NEGR1: variants seen among roughly 807,000 people sequenced by gnomAD.
The protein encoded by NEGR1 is neuronal growth regulator 1.
NEGR1 carries 10 observed loss-of-function variants against 40.9 expected under a neutral mutation model. The observed-to-expected ratio is 0.24, with a 90% CI of 0.15 to 0.42. The LOEUF (loss-of-function observed/expected upper bound fraction) is 0.42. Ranked by LOEUF, NEGR1 falls within the 10% of genes least tolerant of loss-of-function variation. The pLI, the probability that NEGR1 is intolerant of heterozygous loss-of-function variation, is 1.00. For missense variants in NEGR1, 352 were observed against 438.9 expected (o/e 0.80, Z 1.77); for synonymous variants, 185 against 166.8 (o/e 1.11, Z -0.84).
At chr1:71,512,984 C>T (rs959608810) in intron 6 of NEGR1, among the ~76,000 whole-genome samples, 14 of 152,100 alleles carry the variant, frequency 9.2e-5, no homozygotes, top group Admixed American at 9.2e-4. Flanking sequence ...AACAGTTTTA[C>T]TATACATATA....
rs140922653 is a variant in NEGR1 at position 71,968,517 on chromosome 1, T to A, written c.177-33206A>T. Among the ~76,000 whole-genome samples, 679 of 152,284 alleles carry A rather than the reference T, an allele frequency of 4.5e-3. 14 individuals carry two copies. The highest frequency in any genetic ancestry group is 0.036 in the Admixed American group (543 of 15,288). Reference sequence around the variant, plus strand: ...ACATAAAAATCCTGTGAAGCTAACATTCAATTCACAAAATCCTAGTTTACT... The same window carrying A: ...ACATAAAAATCCTGTGAAGCTAACAATCAATTCACAAAATCCTAGTTTACT... On this transcript the variant is annotated intron_variant, in intron 1 of 6. Coordinates refer to ENST00000357731, the MANE Select transcript of NEGR1 (RefSeq NM_173808.3).
intron 3 of NEGR1, among the ~76,000 whole-genome samples, chr1:71,701,582 G>T (rs929767747): frequency 6.6e-6 from 1 of 151,866 alleles, no homozygotes; most frequent in Non-Finnish European, 1.5e-5. Flanking sequence ...CTCATCTCTA[G>T]CTCCTAACCT....
Position 71,864,136 on chromosome 1 carries a change from G to A in NEGR1, c.409+70943C>T, listed in dbSNP as rs532574420. ...GTACTCATTGGTGAATTCCCCACATGGTTGTCAGGGGGCCGTCTTAGGGAG... is the reference window on the plus strand; with the variant it reads ...GTACTCATTGGTGAATTCCCCACATAGTTGTCAGGGGGCCGTCTTAGGGAG... On this transcript the variant is annotated intron_variant, in intron 2 of 6. Transcript: ENST00000357731. Among the ~76,000 whole-genome samples, 10 of 152,256 alleles carry A rather than the reference G, an allele frequency of 6.6e-5. No homozygotes were observed. In the South Asian group the frequency reaches 1.9e-3, roughly 28 times the overall value.
chr1:71,878,396 T>C (rs1015956441), intron 2 of NEGR1, among the ~76,000 whole-genome samples: 5 of 152,156 alleles, frequency 3.3e-5, no homozygotes, highest in African/African-American at 1.2e-4. Flanking sequence ...GAGTGTCTTA[T>C]TTATAGTCTG....
chr1:71,764,741 G>T (rs1355263896), intron 3 of NEGR1, among the ~76,000 whole-genome samples: 6 of 152,178 alleles, frequency 3.9e-5, no homozygotes, highest in Non-Finnish European at 8.8e-5. Context: ...AACTACATGA[G>T]AAGTTGCTGA....
At chr1:71,928,866 A>T (rs534048269) in intron 2 of NEGR1, among the ~76,000 whole-genome samples, 2 of 152,136 alleles carry the variant, frequency 1.3e-5, no homozygotes, top group South Asian at 4.1e-4. Flanking sequence ...TCAGGTATTG[A>T]TTAGTCTGCC....
intron 2 of NEGR1, among the ~76,000 whole-genome samples, chr1:71,887,472 A>G (rs1369090723): frequency 6.6e-6 from 1 of 152,188 alleles, no homozygotes; most frequent in Non-Finnish European, 1.5e-5. Flanking sequence ...CATTCCTTGT[A>G]CTAGGATTTT....
intron 1 of NEGR1, among the ~76,000 whole-genome samples, chr1:72,058,480 T>C (rs1172509874): frequency 6.6e-6 from 1 of 151,656 alleles, no homozygotes; most frequent in African/African-American, 2.4e-5. Flanking sequence ...TAAATAAACA[T>C]AGCAGTACAT....
intron 2 of NEGR1, among the ~76,000 whole-genome samples, chr1:71,924,121 C>T (rs1318548652): frequency 6.6e-6 from 1 of 152,020 alleles, no homozygotes; most frequent in Non-Finnish European, 1.5e-5. Context: ...AAGTGATCCT[C>T]CTGCTTCGTT....
At chr1:71,929,172 C>CA (rs949084497) in intron 2 of NEGR1, among the ~76,000 whole-genome samples, 20 of 151,738 alleles carry the variant, frequency 1.3e-4, no homozygotes, top group Admixed American at 2.6e-4. Context: ...AGATCATGTA[C>CA]AAAAAAACAT....
intron 2 of NEGR1, among the ~76,000 whole-genome samples, chr1:71,840,026 T>C (rs1009562018): frequency 7.2e-5 from 11 of 152,158 alleles, no homozygotes; most frequent in African/African-American, 2.7e-4. Context: ...AACAATAATG[T>C]AATAAGGCTT....
At chr1:71,569,005 C>T (rs1163809477) in intron 6 of NEGR1, among the ~76,000 whole-genome samples, 2 of 151,856 alleles carry the variant, frequency 1.3e-5, no homozygotes. Flanking sequence ...CAACCTCCAC[C>T]TTCCAGGTTC....
chr1:72,274,454 G>C, intron 1 of NEGR1: 1 of 560,744 alleles, frequency 1.8e-6, no homozygotes. Context: ...TATGGATCCA[G>C]CTCTTGAGCA....
At chr1:72,069,942 G>C (rs567861360) in intron 1 of NEGR1, among the ~76,000 whole-genome samples, 8 of 151,958 alleles carry the variant, frequency 5.3e-5, no homozygotes, top group Admixed American at 1.3e-4. Flanking sequence ...ATATCTATCT[G>C]TTTTTTGATT....
At chr1:72,041,902 T>A (rs951219497) in intron 1 of NEGR1, among the ~76,000 whole-genome samples, 12 of 144,082 alleles carry the variant, frequency 8.3e-5, no homozygotes, top group Non-Finnish European at 1.5e-4. Context: ...TATATTTGAG[T>A]TTCAAATATA....
chr1:71,723,488 C>T (rs1183995848), intron 3 of NEGR1, among the ~76,000 whole-genome samples: 2 of 152,056 alleles, frequency 1.3e-5, no homozygotes, highest in African/African-American at 4.8e-5. Flanking sequence ...ATGATTTAAT[C>T]AATCATGCCT....
At chr1:71,442,876 C>T (rs899314863) in intron 6 of NEGR1, among the ~76,000 whole-genome samples, 3 of 152,060 alleles carry the variant, frequency 2.0e-5, no homozygotes, top group Non-Finnish European at 2.9e-5. Flanking sequence ...ATCATCTTCC[C>T]AAATGTTTAA....
intron 6 of NEGR1, among the ~76,000 whole-genome samples, chr1:71,530,101 C>A (rs1319476988): frequency 6.6e-6 from 1 of 151,258 alleles, no homozygotes; most frequent in Non-Finnish European, 1.5e-5. Flanking sequence ...AACTCTCTGG[C>A]AGTAATATTA....
chr1:71,836,801 C>A (rs948632932), intron 2 of NEGR1, among the ~76,000 whole-genome samples: 1 of 152,066 alleles, frequency 6.6e-6, no homozygotes, highest in African/African-American at 2.4e-5. Context: ...CCCGCTACTA[C>A]ACTTCTGAGA....
Sources: gnomAD v4.1 joint callset for allele counts (sites outside exome capture counted in the v4.1 genomes callset) on GRCh38, gnomAD v4.1.1 for gene constraint, MANE v1.5 for transcripts, NCBI Gene and HGNC (gene_info 2026-07-23, HGNC 2026-07-21) for gene names.